Variants in TGFBRAP1 observed in about 807,000 individuals in gnomAD.
TGFBRAP1 encodes transforming growth factor-beta receptor-associated protein 1.
Under a neutral mutation model 83.2 loss-of-function variants are expected in TGFBRAP1, and 20 were observed. The observed-to-expected ratio is 0.24, with a 90% CI of 0.17 to 0.35. The LOEUF (loss-of-function observed/expected upper bound fraction) is 0.35. Among genes scored for constraint, TGFBRAP1 ranks in the 10% least tolerant of loss-of-function variants. The pLI, the probability that TGFBRAP1 is intolerant of heterozygous loss-of-function variation, is 1.00. For missense variants in TGFBRAP1, 950 were observed against 1,099.4 expected (o/e 0.86, Z 1.92); for synonymous variants, 415 against 459.8 (o/e 0.90, Z 1.25).
chr2:105,280,824 C>T (rs1677513888), intron 5 of TGFBRAP1, 101 bp from the exon 6 acceptor site: 1 of 1,308,030 alleles, frequency 7.6e-7, no homozygotes, highest in Non-Finnish European at 1.0e-6. Flanking sequence ...CACACGTTCA[C>T]AGGGGGCTGG....
In TGFBRAP1 at chr2:105,308,125, C is replaced by T. The variant is rs750772873; in HGVS notation, c.177G>A (p.Gly59=). Residue 59 remains glycine, a synonymous_variant, in exon 2 of 12, where the codon GGG becomes GGA. Coordinates refer to ENST00000393359, the MANE Select transcript of TGFBRAP1 (RefSeq NM_004257.6). ...FLLEERPVPA[G]PATFTATKQL... ...GTTTGGTGGCAGTGAACGTGGCTGG[C>T]CCAGCAGGCACTGGCCTCTCCTCCA... 9 of 1,613,622 alleles carry T rather than the reference C, an allele frequency of 5.6e-6. No homozygotes were observed. The Admixed American group carries it at 1.2e-4, about 21-fold the overall frequency.
chr2:105,273,400 C>T (rs1677226778), intron 9 of TGFBRAP1, 144 bp downstream of exon 9: 4 of 1,177,428 alleles, frequency 3.4e-6, no homozygotes, highest in Non-Finnish European at 1.2e-6. Flanking sequence ...TTCCGCAAGC[C>T]TCAAGGCCGC....
chr2:105,308,007 T>C lies in TGFBRAP1; in HGVS notation c.295A>G (p.Ile99Val). The C allele has an allele frequency of 6.2e-7, 1 of 1,614,178 alleles. No individual in the cohort carries two copies. The highest frequency in any genetic ancestry group is 1.1e-5 in the South Asian group (1 of 91,084). Residue 99 changes from isoleucine to valine, a missense_variant, in exon 2 of 12, where the codon ATC becomes GTC. By Grantham distance (29) the Ile-to-Val change is conservative. Transcript: ENST00000393359. Reference sequence around the variant, plus strand: ...AGGTTCAGCATGTTGACCAGGCTGATGGAGTTGTCACACAGCACCAGCAGC... The same window carrying C: ...AGGTTCAGCATGTTGACCAGGCTGACGGAGTTGTCACACAGCACCAGCAGC... ...NRLLVLCDNS[I>V]SLVNMLNLEP...
In TGFBRAP1 at chr2:105,269,679, T is replaced by C. The variant is rs200479465; in HGVS notation, c.1999A>G (p.Met667Val). The C allele has an allele frequency of 6.4e-6, 10 of 1,562,604 alleles. No homozygotes were observed. Among genetic ancestry groups the C allele is most frequent in the African/African-American group, 5.4e-5 (4 of 74,156 alleles). ...LERLQGAGLP[M>V]ESAILHGKLG... ...TTCCCGTGCAGGATGGCGCTCTCCATGGGCAGGCCAGCTCCCTGCAGCCTC... is the reference window on the plus strand; with the variant it reads ...TTCCCGTGCAGGATGGCGCTCTCCACGGGCAGGCCAGCTCCCTGCAGCCTC... The change falls in exon 11 of 12, where the codon ATG becomes GTG. Residue 667 changes from methionine to valine, a missense_variant. Physicochemically the swap from Met to Val is conservative, Grantham distance 21. Coordinates refer to ENST00000393359, the MANE Select transcript of TGFBRAP1 (RefSeq NM_004257.6). The surrounding 1 kb of genome is among the most constrained non-coding windows in gnomAD (Gnocchi z 4.1).
rs550012605 is a variant in TGFBRAP1, at chr2:105,285,892, C to T, written c.1039-1494G>A. On this transcript the variant is annotated intron_variant, in intron 4 of 11. Transcript: ENST00000393359. ...TAAAGACCAAATCAATTATACCACCCAACAATAAGCAAAAGGGAGCAAGGC... is the reference window on the plus strand; with the variant it reads ...TAAAGACCAAATCAATTATACCACCTAACAATAAGCAAAAGGGAGCAAGGC... 2.0e-5 allele frequency among the ~76,000 whole-genome samples: 3 copies of T among 152,248 alleles called. No homozygotes were observed. In the South Asian group the frequency reaches 6.2e-4, roughly 32 times the overall value.
chr2:105,257,853 G>GA, the TGFBRAP1 span, among the ~76,000 whole-genome samples: 14 of 152,316 alleles, frequency 9.2e-5, no homozygotes, highest in African/African-American at 3.4e-4. Flanking sequence ...GTGGGCCCTT[G>GA]AAAATGGGTT....
the TGFBRAP1 span, among the ~76,000 whole-genome samples, chr2:105,258,966 C>T: frequency 6.6e-6 from 1 of 152,210 alleles, no homozygotes; most frequent in Non-Finnish European, 1.5e-5. Context: ...GCAAATCGAG[C>T]ACAGATGGGA....
At position 105,267,524 on chromosome 2, in the gene TGFBRAP1, G is replaced by A. The variant is rs1676988140; in HGVS notation, c.2442C>T (p.Asp814=). 1.2e-6 allele frequency: 2 copies of A among 1,614,066 alleles called. No individual in the cohort carries two copies. Among genetic ancestry groups the A allele is most frequent in the African/African-American group, 1.3e-5 (1 of 74,912 alleles). The stretch of plus-strand genomic sequence containing the variant: ...TTTGGCATATCTGACAAAGCTTTTT[G>A]TCTGAGAGTTGGATTGAGCTTCCTT... The part of the protein sequence containing the change: ...KLKGSSIQLS[D]KKLCQICQNP... The change falls in exon 12 of 12, where the codon GAC becomes GAT. Residue 814 remains aspartate (D), a synonymous_variant. Transcript: ENST00000393359.
At position 105,275,815 on chromosome 2, in the gene TGFBRAP1, A is replaced by T. The variant is rs191502841; in HGVS notation, c.1522-112T>A. On this transcript the variant is annotated intron_variant, in intron 7 of 11. Transcript: ENST00000393359. Reference sequence around the variant, plus strand: ...ATATGTTTACTTATTTGGCTTTTTAATACCTTTTAAAGTAGTTGGAAAAAC... The same window carrying T: ...ATATGTTTACTTATTTGGCTTTTTATTACCTTTTAAAGTAGTTGGAAAAAC... 3 of 1,146,548 alleles carry T rather than the reference A, an allele frequency of 2.6e-6. No homozygotes were observed. In the African/African-American group the frequency reaches 4.7e-5, roughly 18 times the overall value. 71.0% of individuals were successfully genotyped at this position (1,146,548 alleles called of 1,614,324 possible). A position where few individuals can be genotyped will look rare whatever the true frequency, so the allele number is the denominator to read the frequency against.
In TGFBRAP1 at chr2:105,280,631, T is replaced by C. The variant is rs1365395476; in HGVS notation, c.1214A>G (p.His405Arg). 6.2e-7 allele frequency: 1 copy of C among 1,613,950 alleles called. No individual in the cohort carries two copies. The highest frequency in any genetic ancestry group is 8.5e-7 in the Non-Finnish European group (1 of 1,179,970). ...SSFTRSHPPL[H>R]EYADLNQLTQ... ...CAGCTGGTTCAGGTCTGCGTACTCA[T>C]GAAGAGGAGGGTGGGACCGGGTGAA... The change falls in exon 6 of 12, where the codon CAT becomes CGT. Residue 405 changes from histidine to arginine, a missense_variant. His to Arg is a conservative substitution (Grantham distance 29). Coordinates refer to ENST00000393359, the MANE Select transcript of TGFBRAP1 (RefSeq NM_004257.6).
At chr2:105,253,866 T>C in the TGFBRAP1 span, among the ~76,000 whole-genome samples, 3 of 152,258 alleles carry the variant, frequency 2.0e-5, no homozygotes, top group African/African-American at 7.2e-5. Context: ...TTTATTATTA[T>C]GTATAAAAAT....
chr2:105,279,831 AG>A (rs548942010), intron 6 of TGFBRAP1, among the ~76,000 whole-genome samples: 3 of 152,138 alleles, frequency 2.0e-5, no homozygotes, highest in Non-Finnish European at 4.4e-5. Context: ...TGAGGTCAGG[AG>A]TTCTAGACCA....
intron 4 of TGFBRAP1, among the ~76,000 whole-genome samples, chr2:105,287,507 G>T (rs370252536): frequency 1.3e-5 from 2 of 152,174 alleles, no homozygotes; most frequent in African/African-American, 4.8e-5. Flanking sequence ...AAATCAGAAT[G>T]TGTGGGTCTG....
At chr2:105,323,933 G>T (rs1472580095) in intron 1 of TGFBRAP1, among the ~76,000 whole-genome samples, 1 of 152,138 alleles carries the variant, frequency 6.6e-6, no homozygotes, top group African/African-American at 2.4e-5. Context: ...AATTGGAGGA[G>T]TTTAGATAAA....
chr2:105,315,600 G>A (rs543606579), intron 1 of TGFBRAP1, among the ~76,000 whole-genome samples: 3 of 152,264 alleles, frequency 2.0e-5, no homozygotes, highest in African/African-American at 7.2e-5. Flanking sequence ...ATAAGAACAT[G>A]AAAAGATGCT....
At chr2:105,313,399 T>A (rs1255171461) in intron 1 of TGFBRAP1, among the ~76,000 whole-genome samples, 1 of 152,234 alleles carries the variant, frequency 6.6e-6, no homozygotes, top group African/African-American at 2.4e-5. Context: ...GAGCACTGGC[T>A]ACATTCTGAT....
chr2:105,268,649 G>C, intron 11 of TGFBRAP1, among the ~76,000 whole-genome samples: 1 of 152,196 alleles, frequency 6.6e-6, no homozygotes, highest in East Asian at 1.9e-4. Flanking sequence ...GCATCTTCCA[G>C]GACAGGGAGC....
intron 4 of TGFBRAP1, among the ~76,000 whole-genome samples, chr2:105,295,146 C>T (rs769391909): frequency 7.2e-5 from 11 of 152,226 alleles, no homozygotes; most frequent in East Asian, 1.9e-4. Flanking sequence ...ACTTTATCAA[C>T]GTTTAAATGT....
At chr2:105,316,166 T>C (rs1168548709) in intron 1 of TGFBRAP1, among the ~76,000 whole-genome samples, 1 of 152,164 alleles carries the variant, frequency 6.6e-6, no homozygotes. Context: ...CAGTGTTTAC[T>C]TTGGAAGGAA....
Sources: allele counts gnomAD v4.1 joint callset (sites outside exome capture counted in the v4.1 genomes callset), GRCh38; gene constraint gnomAD v4.1.1; non-coding constraint Gnocchi (gnomAD v3.1); transcripts MANE v1.5; gene names NCBI Gene and HGNC (gene_info 2026-07-23, HGNC 2026-07-21).